Variants in ARPP21 observed in about 807,000 individuals in gnomAD.
The protein encoded by ARPP21 is cAMP regulated phosphoprotein 21, also known as cAMP-regulated phosphoprotein 21.
A neutral mutation model predicts 113.2 loss-of-function variants in ARPP21; 69 were observed. The ratio of observed to expected loss-of-function variants is 0.61; its 90% CI spans 0.50 to 0.74. ARPP21 has a LOEUF of 0.74. Ranked by LOEUF, ARPP21 falls within the 30% of genes least tolerant of loss-of-function variation. The probability of loss-of-function intolerance (pLI) is 0.00; values close to 1 mark genes in which losing one functional copy is unlikely to be tolerated. For synonymous variants in ARPP21, 368 were observed against 375.5 expected (o/e 0.98, Z 0.23); for missense variants, 1,070 against 1,037.4 (o/e 1.03, Z -0.43).
intron 9 of ARPP21, among the ~76,000 whole-genome samples, chr3:35,695,718 A>G (rs990932511): frequency 6.6e-6 from 1 of 151,612 alleles, no homozygotes; most frequent in Non-Finnish European, 1.5e-5. Context: ...GGAGGGGGAT[A>G]CATGGCAAGC....
chr3:35,700,025 A>AT (rs889073833), intron 9 of ARPP21, among the ~76,000 whole-genome samples: 31 of 151,882 alleles, frequency 2.0e-4, no homozygotes, highest in African/African-American at 7.2e-4. Flanking sequence ...GTGCCTTTAG[A>AT]TTTTTTCTAC....
chr3:35,641,750 G>T (rs1478399510), intron 1 of ARPP21: 2 of 152,106 alleles, frequency 1.3e-5, no homozygotes, highest in East Asian at 3.9e-4. Context: ...ATAACATTCT[G>T]CTTTTCATCA....
At chr3:35,773,013 AG>A (rs1461860028) in intron 19 of ARPP21, among the ~76,000 whole-genome samples, 1 of 152,198 alleles carries the variant, frequency 6.6e-6, no homozygotes, top group Non-Finnish European at 1.5e-5. Context: ...GTGCTTGAAA[AG>A]CTGCTGTTTT....
chr3:35,739,702 T>C, intron 18 of ARPP21, 125 bp downstream of exon 18: 1 of 1,269,496 alleles, frequency 7.9e-7, no homozygotes, highest in South Asian at 1.7e-5. Context: ...TTAATATTCC[T>C]CACCAACAGG....
chr3:35,660,673 G>T (rs1482802059), intron 1 of ARPP21, among the ~76,000 whole-genome samples: 1 of 152,074 alleles, frequency 6.6e-6, no homozygotes, highest in African/African-American at 2.4e-5. Flanking sequence ...TCACTTCTTG[G>T]GGGATAATTA....
chr3:35,768,063 G>GTGCCCCATGCT (rs956499005), intron 19 of ARPP21, among the ~76,000 whole-genome samples: 4 of 148,086 alleles, frequency 2.7e-5, no homozygotes, highest in African/African-American at 1.0e-4. Flanking sequence ...ACCATGCCCA[G>GTGCCCCATGCT]TGCCCCATGC....
At chr3:35,707,593 G>A (rs987684226) in intron 10 of ARPP21, 2 of 453,764 alleles carry the variant, frequency 4.4e-6, no homozygotes, top group Admixed American at 4.7e-5. Context: ...TCAGAGAAAA[G>A]AATTGAGTTC....
At chr3:35,704,984 C>G (rs1040778726) in intron 9 of ARPP21, among the ~76,000 whole-genome samples, 1 of 152,016 alleles carries the variant, frequency 6.6e-6, no homozygotes, top group African/African-American at 2.4e-5. Context: ...AGTCCACATT[C>G]TGAGATAATT....
intron 11 of ARPP21, among the ~76,000 whole-genome samples, chr3:35,709,818 C>G (rs965964807): frequency 1.3e-5 from 2 of 152,186 alleles, no homozygotes; most frequent in Non-Finnish European, 2.9e-5. Flanking sequence ...GGTTCTTCCC[C>G]CTGCGTCAGT....
At chr3:35,751,168 A>G (rs886189854) in intron 19 of ARPP21, among the ~76,000 whole-genome samples, 2 of 152,188 alleles carry the variant, frequency 1.3e-5, no homozygotes, top group Admixed American at 6.5e-5. Context: ...GTTAAATTAA[A>G]TTATAACTGC....
chr3:35,658,335 A>G (rs1001612173), intron 1 of ARPP21, among the ~76,000 whole-genome samples: 1 of 151,972 alleles, frequency 6.6e-6, no homozygotes, highest in Admixed American at 6.6e-5. Flanking sequence ...TGAGTGAATG[A>G]TTCGTTGTAG....
At chr3:35,671,958 G>A (rs1359849675) in intron 1 of ARPP21, among the ~76,000 whole-genome samples, 1 of 151,908 alleles carries the variant, frequency 6.6e-6, no homozygotes, top group Non-Finnish European at 1.5e-5. Flanking sequence ...CAGTTCAAAG[G>A]TTCAGCACTC....
At chr3:35,761,299 T>G (rs1366901753) in intron 19 of ARPP21, among the ~76,000 whole-genome samples, 3 of 152,064 alleles carry the variant, frequency 2.0e-5, no homozygotes, top group African/African-American at 7.2e-5. Context: ...ATAAGGTGGG[T>G]GGGTAGGCAA....
intron 1 of ARPP21, among the ~76,000 whole-genome samples, chr3:35,662,633 T>A (rs1449312513): frequency 6.6e-6 from 1 of 152,110 alleles, no homozygotes; most frequent in African/African-American, 2.4e-5. Context: ...CCACAAAGGG[T>A]TGAGATCTCA....
chr3:35,705,710 T>G (rs1418205444), intron 9 of ARPP21, among the ~76,000 whole-genome samples: 1 of 152,094 alleles, frequency 6.6e-6, no homozygotes, highest in East Asian at 1.9e-4. Flanking sequence ...AGGCAAAAAT[T>G]ATTTGCTTCT....
intron 19 of ARPP21, among the ~76,000 whole-genome samples, chr3:35,760,722 C>T (rs1443936916): frequency 6.6e-6 from 1 of 152,020 alleles, no homozygotes; most frequent in Non-Finnish European, 1.5e-5. Flanking sequence ...GGATATTAGA[C>T]TTTCCTAAGG....
At chr3:35,687,992 G>C in intron 6 of ARPP21, 109 bp downstream of exon 6, 1 of 994,228 alleles carries the variant, frequency 1.0e-6, no homozygotes, top group Non-Finnish European at 1.5e-6. Context: ...CCCTGCATAT[G>C]ATTCTATACG....
intron 9 of ARPP21, among the ~76,000 whole-genome samples, chr3:35,696,059 A>G (rs929094232): frequency 7.9e-5 from 12 of 151,518 alleles, no homozygotes; most frequent in African/African-American, 2.4e-4. Flanking sequence ...AGGAGGCTAC[A>G]TAAGATTGAA....
chr3:35,743,869 T>C lies in ARPP21; in HGVS notation c.2041T>C (p.Tyr681His). Reference protein sequence around the residue: ...MPVYYYPSGQYPTSTTQQYRP... With the variant: ...MPVYYYPSGQHPTSTTQQYRP... ...TGTATATTATTACCCATCTGGTCAG[T>C]ACCCTACCTCAACCACGCAACAGTA... The change falls in exon 19 of 21, where the codon TAC becomes CAC. Residue 681 changes from tyrosine to histidine, a missense_variant. Physicochemically the swap from Tyr to His is moderately conservative, Grantham distance 83. Coordinates refer to ENST00000684406, the MANE Select transcript of ARPP21 (RefSeq NM_001385562.1). The C allele has an allele frequency of 6.2e-7, 1 of 1,614,152 alleles. No individual in the cohort carries two copies. Among genetic ancestry groups the C allele is most frequent in the Non-Finnish European group, 8.5e-7 (1 of 1,179,944 alleles).
Sources: gnomAD v4.1 joint callset for allele counts (sites outside exome capture counted in the v4.1 genomes callset) on GRCh38, gnomAD v4.1.1 for gene constraint, MANE v1.5 for transcripts, NCBI Gene and HGNC (gene_info 2026-07-23, HGNC 2026-07-21) for gene names.